Variants in CNTNAP5 observed in about 807,000 individuals in gnomAD.
CNTNAP5 encodes contactin associated protein family member 5, also known as contactin-associated protein-like 5.
A neutral mutation model predicts 150.2 loss-of-function variants in CNTNAP5; 72 were observed. The observed-to-expected ratio is 0.48, with a 90% CI of 0.40 to 0.58. CNTNAP5 has a LOEUF of 0.58. Among genes scored for constraint, CNTNAP5 ranks in the 20% least tolerant of loss-of-function variants. The pLI is 0.00. For synonymous variants in CNTNAP5, 672 were observed against 619.8 expected (o/e 1.08, Z -1.25); for missense variants, 1,636 against 1,626.2 (o/e 1.01, Z -0.10).
At chr2:124,405,490 G>T (rs1392343836) in intron 3 of CNTNAP5, among the ~76,000 whole-genome samples, 1 of 152,104 alleles carries the variant, frequency 6.6e-6, no homozygotes, top group African/African-American at 2.4e-5. Flanking sequence ...AAGTAAAAGG[G>T]TCACTAGACT....
At chr2:124,378,752 A>G (rs1039844593) in intron 3 of CNTNAP5, among the ~76,000 whole-genome samples, 5 of 152,070 alleles carry the variant, frequency 3.3e-5, no homozygotes, top group Non-Finnish European at 7.4e-5. Context: ...GTATATTTAT[A>G]TATCTATTCT....
At chr2:124,541,522 A>G (rs1282024439) in intron 10 of CNTNAP5, among the ~76,000 whole-genome samples, 1 of 152,152 alleles carries the variant, frequency 6.6e-6, no homozygotes, top group East Asian at 1.9e-4. Context: ...TGACAAAAGG[A>G]ATATGCATTT....
rs184599688 is a variant in CNTNAP5, at chr2:124,836,150, G to A, written c.3218-29156G>A. Among the ~76,000 whole-genome samples, 12 of 152,158 alleles carry A rather than the reference G, an allele frequency of 7.9e-5. No individual in the cohort carries two copies. The East Asian group carries it at 9.7e-4, about 12-fold the overall frequency. ...ACACTGGAGAAAAGATAGGATTTCC[G>A]AGGGGATAGTTTTAGGAAAAAAAAT... On this transcript the variant is annotated intron_variant, in intron 19 of 23. Coordinates refer to ENST00000682447, the MANE Select transcript of CNTNAP5 (RefSeq NM_001367498.1).
At chr2:124,566,966 G>C (rs1467335847) in intron 11 of CNTNAP5, among the ~76,000 whole-genome samples, 1 of 152,218 alleles carries the variant, frequency 6.6e-6, no homozygotes, top group East Asian at 1.9e-4. Context: ...TGCTGTGTTT[G>C]AGGGATGTTT....
At chr2:124,525,054 C>T (rs1470076298) in intron 9 of CNTNAP5, among the ~76,000 whole-genome samples, 1 of 152,160 alleles carries the variant, frequency 6.6e-6, no homozygotes, top group African/African-American at 2.4e-5. Flanking sequence ...TAAGTGAGTC[C>T]TGGGAACCTT....
intron 1 of CNTNAP5, among the ~76,000 whole-genome samples, chr2:124,162,865 C>A (rs11685142): frequency 1.3e-5 from 2 of 152,108 alleles, no homozygotes; most frequent in Non-Finnish European, 2.9e-5. Context: ...ACCATGATTT[C>A]TGCTCCTCTC....
intron 16 of CNTNAP5, among the ~76,000 whole-genome samples, chr2:124,770,317 C>T (rs1446212055): frequency 1.3e-5 from 2 of 152,060 alleles, no homozygotes; most frequent in African/African-American, 4.8e-5. Context: ...CAGCAGGGGG[C>T]TGCAGTTTGG....
chr2:124,884,285 A>G (rs1240371932), intron 21 of CNTNAP5, among the ~76,000 whole-genome samples: 1 of 151,840 alleles, frequency 6.6e-6, no homozygotes, highest in African/African-American at 2.4e-5. Flanking sequence ...TTGTACATGC[A>G]TGTCTCTGTG....
chr2:124,707,067 AGAG>A (rs1679685830), intron 13 of CNTNAP5, among the ~76,000 whole-genome samples: 4 of 137,836 alleles, frequency 2.9e-5, no homozygotes, highest in East Asian at 4.4e-4. Flanking sequence ...GAGGAGAGGA[AGAG>A]GAAGAAGAAG....
At position 124,047,552 on chromosome 2, in the gene CNTNAP5, A is replaced by T. The variant is rs116437676; in HGVS notation, c.82+21820A>T. Among the ~76,000 whole-genome samples the T allele has an allele frequency of 4.2e-3, 646 of 152,334 alleles. 6 individuals are homozygous for T. Among genetic ancestry groups the T allele is most frequent in the African/African-American group, 0.014 (600 of 41,580 alleles). ...CCTAGGAGAGATACTGGATTCTAAC[A>T]CTGGTGCCTAAACCCAATCAAGTAG... is the stretch of plus-strand genomic sequence containing the variant. On this transcript the variant is annotated intron_variant, in intron 1 of 23. Coordinates refer to ENST00000682447, the MANE Select transcript of CNTNAP5 (RefSeq NM_001367498.1).
chr2:124,407,930 G>C (rs925165970), intron 3 of CNTNAP5, among the ~76,000 whole-genome samples: 1 of 152,158 alleles, frequency 6.6e-6, no homozygotes, highest in African/African-American at 2.4e-5. Context: ...CAGCGTGAGC[G>C]ACGCAGAAGA....
chr2:124,237,560 A>T (rs1434112350), intron 2 of CNTNAP5, among the ~76,000 whole-genome samples: 1 of 152,118 alleles, frequency 6.6e-6, no homozygotes, highest in African/African-American at 2.4e-5. Flanking sequence ...GCAGCTGGGC[A>T]TGGTGGCTCA....
At chr2:124,392,100 C>T (rs1691129809) in intron 3 of CNTNAP5, among the ~76,000 whole-genome samples, 1 of 152,122 alleles carries the variant, frequency 6.6e-6, no homozygotes, top group Admixed American at 6.6e-5. Flanking sequence ...AGTGACTTCT[C>T]CCATCTCTGT....
chr2:124,354,575 T>C (rs1209236887), intron 3 of CNTNAP5, among the ~76,000 whole-genome samples: 1 of 152,182 alleles, frequency 6.6e-6, no homozygotes, highest in Admixed American at 6.5e-5. Flanking sequence ...GATCTTTGGA[T>C]TGATGGCCAC....
At chr2:124,733,333 AT>A (rs958254527) in intron 13 of CNTNAP5, among the ~76,000 whole-genome samples, 1 of 151,888 alleles carries the variant, frequency 6.6e-6, no homozygotes, top group African/African-American at 2.4e-5. Flanking sequence ...AATAATTTTC[AT>A]TTTTTTTCAA....
intron 17 of CNTNAP5, among the ~76,000 whole-genome samples, chr2:124,779,211 T>A (rs999540413): frequency 2.0e-5 from 3 of 152,204 alleles, no homozygotes; most frequent in African/African-American, 7.2e-5. Context: ...TCCAGGGGGA[T>A]TCACATCCAG....
chr2:124,709,490 T>C (rs1449950251), intron 13 of CNTNAP5, among the ~76,000 whole-genome samples: 1 of 152,108 alleles, frequency 6.6e-6, no homozygotes, highest in African/African-American at 2.4e-5. Flanking sequence ...GAGGGAACCA[T>C]TAATGAGTTA....
At chr2:124,834,742 C>G (rs950206580) in intron 19 of CNTNAP5, among the ~76,000 whole-genome samples, 1 of 151,826 alleles carries the variant, frequency 6.6e-6, no homozygotes, top group Admixed American at 6.6e-5. Context: ...TCCTCAACAC[C>G]TTCCTCTATA....
chr2:124,268,251 G>A (rs912427126), intron 3 of CNTNAP5, among the ~76,000 whole-genome samples: 5 of 152,206 alleles, frequency 3.3e-5, no homozygotes, highest in Admixed American at 6.5e-5. Flanking sequence ...AAATCCAAGT[G>A]TGAGTTTGTT....
Sources: gnomAD v4.1 joint callset for allele counts (sites outside exome capture counted in the v4.1 genomes callset) on GRCh38, gnomAD v4.1.1 for gene constraint, MANE v1.5 for transcripts, NCBI Gene and HGNC (gene_info 2026-07-23, HGNC 2026-07-21) for gene names.